QRICH1: variants seen among roughly 807,000 people sequenced by gnomAD.
QRICH1 encodes glutamine rich 1.
Under a neutral mutation model 87.1 loss-of-function variants are expected in QRICH1, and 16 were observed. The observed-to-expected ratio is 0.18, with a 90% confidence interval of 0.12 to 0.28. The LOEUF (loss-of-function observed/expected upper bound fraction) is 0.28, where lower values mean the gene tolerates loss of function less well. QRICH1 is among the 10% of genes least tolerant of loss of function. The pLI is 1.00. For missense variants in QRICH1, 647 were observed against 951.7 expected (o/e 0.68, Z 4.21); for synonymous variants, 367 against 368.4 (o/e 1.00, Z 0.05).
At position 49,056,880 on chromosome 3, in the gene QRICH1, T is replaced by TTGC. The variant is rs753380857; in HGVS notation, c.1317_1319dup (p.Gln440dup). On this transcript the variant is annotated inframe_insertion, in exon 3 of 10. Transcript: ENST00000395443. ...CACTTACTGAACAAGTAACTTGGAGTTGCTGCTGCTGCTGCTGTGGTGGTG... is the reference window on the plus strand; with the variant it reads ...CACTTACTGAACAAGTAACTTGGAGTTGCTGCTGCTGCTGCTGCTGTGGTGGTG... 80 of 1,613,796 alleles carry TTGC rather than the reference T, an allele frequency of 5.0e-5. No homozygotes were observed. The highest frequency in any genetic ancestry group is 2.5e-4 in the East Asian group (11 of 44,856).
intron 2 of QRICH1, among the ~76,000 whole-genome samples, chr3:49,065,900 G>C (rs544427826): frequency 6.6e-6 from 1 of 152,082 alleles, no homozygotes; most frequent in South Asian, 2.1e-4. Flanking sequence ...AGCCAGGATG[G>C]TCTCGATCTC....
chr3:49,049,091 G>A (rs1444778665), intron 3 of QRICH1, among the ~76,000 whole-genome samples: 3 of 151,742 alleles, frequency 2.0e-5, no homozygotes, highest in Non-Finnish European at 2.9e-5. Flanking sequence ...TCGTAGAGAC[G>A]GCTGTTATTG....
chr3:49,063,913 C>CT (rs1202168923), intron 2 of QRICH1, among the ~76,000 whole-genome samples: 1 of 151,956 alleles, frequency 6.6e-6, no homozygotes, highest in East Asian at 1.9e-4. Flanking sequence ...TTTTTTAATT[C>CT]TTTTTTTATT....
intron 3 of QRICH1, among the ~76,000 whole-genome samples, chr3:49,049,331 GC>G (rs2093356932): frequency 6.6e-6 from 1 of 151,700 alleles, no homozygotes; most frequent in Non-Finnish European, 1.5e-5. Context: ...TGTAATCTCA[GC>G]TACTTGGGAG....
chr3:49,059,664 C>T (rs549006629), intron 2 of QRICH1, among the ~76,000 whole-genome samples: 2 of 151,402 alleles, frequency 1.3e-5, no homozygotes, highest in South Asian at 2.1e-4. Context: ...CCTTGTGATC[C>T]GCTCACCTTG....
intron 1 of QRICH1, chr3:49,093,357 T>C (rs945422534): frequency 3.3e-5 from 5 of 152,062 alleles, no homozygotes; most frequent in African/African-American, 1.2e-4. Context: ...TTGGTTTCTC[T>C]CCAGGCCGAG....
chr3:49,039,618 CA>C (rs899570014), intron 6 of QRICH1, among the ~76,000 whole-genome samples: 175 of 16,374 alleles, frequency 0.011, no homozygotes, highest in African/African-American at 0.021. Context: ...GACTCCATCT[CA>C]AAAAAAAAAA....
chr3:49,030,518 C>T lies in QRICH1; in HGVS notation c.2265G>A (p.Thr755=), dbSNP rs140691644. 370 of 1,614,114 alleles carry T rather than the reference C, an allele frequency of 2.3e-4. 2 individuals carry two copies. In the African/African-American group the frequency reaches 4.1e-3, roughly 18 times the overall value. The change falls in exon 10 of 10, where the codon ACG becomes ACA. Residue 755 remains threonine (T), a synonymous_variant. Coordinates refer to ENST00000395443, the MANE Select transcript of QRICH1 (RefSeq NM_198880.3). Reference sequence around the variant, plus strand: ...GAATTTCTCTTATCACCAGGATCCGCGTCAGCATTTGTCCCATCTGCTCTC... The same window carrying T: ...GAATTTCTCTTATCACCAGGATCCGTGTCAGCATTTGTCCCATCTGCTCTC... ...ISREQMGQML[T]RILVIREIQE...
intron 2 of QRICH1, among the ~76,000 whole-genome samples, chr3:49,065,137 T>TC (rs2093460008): frequency 6.6e-6 from 1 of 151,590 alleles, no homozygotes; most frequent in African/African-American, 2.4e-5. Flanking sequence ...TTTGGAAACC[T>TC]CTTTTTTTTT....
Position 49,044,378 on chromosome 3 carries a change from G to A in QRICH1, c.1786+12C>T, listed in dbSNP as rs372663595. ...GGTAGGAAAGATATCCAAGGACAAG[G>A]GAGACTCTTACCAAGTGGAGTGACC... On this transcript the variant is annotated intron_variant, in intron 6 of 9. Transcript: ENST00000395443. 4.2e-5 allele frequency: 67 copies of A among 1,577,186 alleles called. No individual in the cohort carries two copies. In the African/African-American group the frequency reaches 8.3e-4, roughly 20 times the overall value.
intron 2 of QRICH1, among the ~76,000 whole-genome samples, chr3:49,059,168 T>A (rs1319471859): frequency 2.6e-5 from 4 of 151,294 alleles, no homozygotes; most frequent in Non-Finnish European, 4.4e-5. Context: ...AATTTCACCA[T>A]GTTAGCCAGG....
At chr3:49,082,851 C>T (rs566454603) in intron 1 of QRICH1, among the ~76,000 whole-genome samples, 1 of 147,564 alleles carries the variant, frequency 6.8e-6, no homozygotes, top group East Asian at 2.0e-4. Flanking sequence ...GCCGAGACCA[C>T]ACCACTGCAC....
chr3:49,054,743 A>AAT (rs1165541419), intron 3 of QRICH1, among the ~76,000 whole-genome samples: 11 of 151,804 alleles, frequency 7.2e-5, no homozygotes, highest in South Asian at 2.1e-4. Flanking sequence ...TGTCTCTACA[A>AAT]ATATATATAT....
At chr3:49,046,331 T>C in intron 5 of QRICH1, 94 bp downstream of exon 5, 1 of 1,336,778 alleles carries the variant, frequency 7.5e-7, no homozygotes, top group South Asian at 1.5e-5. Flanking sequence ...AACTTCCTTA[T>C]TTTAACTTCT....
chr3:49,031,475 T>C (rs891424065), intron 9 of QRICH1, among the ~76,000 whole-genome samples: 4 of 152,146 alleles, frequency 2.6e-5, no homozygotes, highest in Non-Finnish European at 5.9e-5. Context: ...CACTAGGTGC[T>C]GATATTTAAA....
chr3:49,083,621 G>A (rs2042113874), intron 1 of QRICH1: 2 of 152,022 alleles, frequency 1.3e-5, no homozygotes, highest in African/African-American at 4.8e-5. Context: ...TACTAAGCTT[G>A]GCATGGTGGT....
intron 3 of QRICH1, among the ~76,000 whole-genome samples, chr3:49,047,473 T>C (rs549960768): frequency 2.6e-5 from 4 of 151,664 alleles, no homozygotes; most frequent in African/African-American, 4.8e-5. Flanking sequence ...GGCTGCACTT[T>C]TAAATGTTTT....
chr3:49,046,478 C>G lies in QRICH1; in HGVS notation c.1618G>C (p.Gly540Arg), dbSNP rs1440438022. The change falls in exon 5 of 10, where the codon GGT becomes CGT. Residue 540 changes from glycine to arginine, a missense_variant. Coordinates refer to ENST00000395443, the MANE Select transcript of QRICH1 (RefSeq NM_198880.3). ...LMTREARNGE[G>R]EPYDPDVLYY... Reference sequence around the variant, plus strand: ...AGCACATCTGGGTCATAGGGTTCACCTTCTCCATTTCGAGCTTCCCGTGTC... The same window carrying G: ...AGCACATCTGGGTCATAGGGTTCACGTTCTCCATTTCGAGCTTCCCGTGTC... 2 of 1,613,972 alleles carry G rather than the reference C, an allele frequency of 1.2e-6. No homozygotes were observed. The highest frequency in any genetic ancestry group is 1.7e-6 in the Non-Finnish European group (2 of 1,180,020).
intron 2 of QRICH1, among the ~76,000 whole-genome samples, chr3:49,066,110 C>G (rs1222318467): frequency 1.3e-5 from 2 of 152,008 alleles, no homozygotes; most frequent in African/African-American, 4.8e-5. Flanking sequence ...TGTGGTGAAA[C>G]CCCGTCTCTA....
Sources: gnomAD v4.1 joint callset for allele counts (sites outside exome capture counted in the v4.1 genomes callset) on GRCh38, gnomAD v4.1.1 for gene constraint, MANE v1.5 for transcripts, NCBI Gene and HGNC (gene_info 2026-07-23, HGNC 2026-07-21) for gene names.